GPR39: variants seen among roughly 807,000 people sequenced by gnomAD.
GPR39 encodes the protein G protein-coupled receptor 39, also known as zinc sensing receptor.
A neutral mutation model predicts 18.4 loss-of-function variants in GPR39; 23 were observed. The observed-to-expected ratio is 1.25, with a 90% CI of 0.90 to 1.77. The LOEUF is 1.77. Ranked by LOEUF, GPR39 falls within the 40% of genes most tolerant of loss-of-function variation. The pLI, the probability that GPR39 is intolerant of heterozygous loss-of-function variation, is 0.00. For synonymous variants in GPR39, 280 were observed against 257.9 expected, an observed-to-expected ratio of 1.09 and a Z score of -0.82; for missense variants, 647 against 602.4, an observed-to-expected ratio of 1.07 and a Z score of -0.78.
At chr2:132,533,101 C>T (rs3109160) in intron 1 of GPR39, among the ~76,000 whole-genome samples, 3,180 of 152,128 alleles carry the variant, frequency 0.021, 107 homozygotes, top group African/African-American at 0.071. Context: ...AAAACCCCAT[C>T]GTCTCAGCCC....
At chr2:132,422,711 A>G (rs980614521) in intron 1 of GPR39, among the ~76,000 whole-genome samples, 3 of 152,058 alleles carry the variant, frequency 2.0e-5, no homozygotes, top group Admixed American at 2.0e-4. Flanking sequence ...TTATTACCCT[A>G]TTTGTGATAG....
intron 1 of GPR39, among the ~76,000 whole-genome samples, chr2:132,543,752 C>A (rs1409461508): frequency 6.6e-6 from 1 of 152,100 alleles, no homozygotes; most frequent in Non-Finnish European, 1.5e-5. Flanking sequence ...GAACTGGGGT[C>A]TCCTCACCCA....
intron 1 of GPR39, among the ~76,000 whole-genome samples, chr2:132,631,885 C>A (rs1681656163): frequency 6.6e-6 from 1 of 150,644 alleles, no homozygotes; most frequent in Admixed American, 6.6e-5. Flanking sequence ...TGCAGTGGCA[C>A]AATCTTGGCT....
intron 1 of GPR39, among the ~76,000 whole-genome samples, chr2:132,595,690 C>T (rs1237859217): frequency 6.6e-6 from 1 of 151,954 alleles, no homozygotes; most frequent in Non-Finnish European, 1.5e-5. Context: ...AAGCATTTAC[C>T]CTTCATTCTG....
At chr2:132,481,639 T>C (rs1681237066) in intron 1 of GPR39, among the ~76,000 whole-genome samples, 1 of 152,248 alleles carries the variant, frequency 6.6e-6, no homozygotes, top group African/African-American at 2.4e-5. Context: ...CATACATATT[T>C]CAGCCCTGAA....
At position 132,645,982 on chromosome 2, in the gene GPR39, G is replaced by A. The variant is rs1682048533; in HGVS notation, c.*376G>A. 1 of 1,255,350 alleles carries A rather than the reference G, an allele frequency of 8.0e-7. No individual in the cohort carries two copies. The highest frequency in any genetic ancestry group is 1.5e-5 in the South Asian group (1 of 64,702). The allele number at this position is 1,255,350 out of a possible 1,614,324, so 77.8% of individuals were successfully genotyped here. On this transcript the variant is annotated 3_prime_UTR_variant, in exon 2 of 2. Coordinates refer to ENST00000329321, the MANE Select transcript of GPR39 (RefSeq NM_001508.3). ...CACCCAGAAGAAACTCACTCAGGGA[G>A]GTGGGGGGTTGGGGGCGAGGGCTGG...
At chr2:132,541,949 C>CAATTCA (rs1383538664) in intron 1 of GPR39, among the ~76,000 whole-genome samples, 1 of 152,184 alleles carries the variant, frequency 6.6e-6, no homozygotes, top group East Asian at 1.9e-4. Context: ...CTGAGGGACA[C>CAATTCA]AATTCATAGA....
At chr2:132,509,660 A>C (rs1558820988) in intron 1 of GPR39, among the ~76,000 whole-genome samples, 1 of 152,164 alleles carries the variant, frequency 6.6e-6, no homozygotes, top group Non-Finnish European at 1.5e-5. Context: ...CTCATCTGTG[A>C]GTAGGTATAA....
intron 1 of GPR39, among the ~76,000 whole-genome samples, chr2:132,468,235 AG>A (rs1680967286): frequency 6.6e-6 from 1 of 152,262 alleles, no homozygotes; most frequent in Non-Finnish European, 1.5e-5. Flanking sequence ...CAGATGCAAC[AG>A]TGAACAGTTT....
intron 1 of GPR39, among the ~76,000 whole-genome samples, chr2:132,455,479 T>C (rs570170965): frequency 2.0e-5 from 3 of 152,260 alleles, no homozygotes; most frequent in South Asian, 4.1e-4. Context: ...TCTCTATCTC[T>C]TTCAGTTCTG....
At chr2:132,513,203 G>A (rs1473480720) in intron 1 of GPR39, among the ~76,000 whole-genome samples, 1 of 152,182 alleles carries the variant, frequency 6.6e-6, no homozygotes, top group African/African-American at 2.4e-5. Flanking sequence ...ACTTCTTATG[G>A]CCTAGCCCCA....
At chr2:132,463,856 C>T (rs1447048113) in intron 1 of GPR39, among the ~76,000 whole-genome samples, 2 of 152,190 alleles carry the variant, frequency 1.3e-5, no homozygotes, top group African/African-American at 2.4e-5. Flanking sequence ...ACTGGAATAT[C>T]CGAGATGGGC....
intron 1 of GPR39, among the ~76,000 whole-genome samples, chr2:132,514,986 G>A (rs1242782437): frequency 6.6e-6 from 1 of 152,124 alleles, no homozygotes; most frequent in Non-Finnish European, 1.5e-5. Context: ...TCGAGGAAAT[G>A]CACAGTGAAA....
intron 1 of GPR39, among the ~76,000 whole-genome samples, chr2:132,622,346 A>T (rs1048032147): frequency 1.3e-5 from 2 of 152,166 alleles, no homozygotes; most frequent in African/African-American, 4.8e-5. Flanking sequence ...GTGAGCTGAG[A>T]TCGCACCATT....
chr2:132,558,447 CT>C (rs953330792), intron 1 of GPR39, among the ~76,000 whole-genome samples: 1 of 152,078 alleles, frequency 6.6e-6, no homozygotes, highest in Non-Finnish European at 1.5e-5. Context: ...AGGGTGCATA[CT>C]TTTTTGCTGT....
At chr2:132,635,726 C>T (rs1376790577) in intron 1 of GPR39, among the ~76,000 whole-genome samples, 2 of 152,156 alleles carry the variant, frequency 1.3e-5, no homozygotes, top group African/African-American at 4.8e-5. Context: ...TCAAGTCATA[C>T]ATTGAAGCCC....
At chr2:132,471,651 A>AG (rs1681033651) in intron 1 of GPR39, among the ~76,000 whole-genome samples, 1 of 143,642 alleles carries the variant, frequency 7.0e-6, no homozygotes, top group Admixed American at 6.8e-5. Flanking sequence ...CCCAGCAAGG[A>AG]GTTTTTTTTT....
chr2:132,472,982 C>G (rs1240800775), intron 1 of GPR39, among the ~76,000 whole-genome samples: 1 of 151,968 alleles, frequency 6.6e-6, no homozygotes, highest in Non-Finnish European at 1.5e-5. Flanking sequence ...CACCGTGAAC[C>G]CCCCTGCACC....
At chr2:132,602,032 GA>G (rs34155252) in intron 1 of GPR39, among the ~76,000 whole-genome samples, 61,520 of 146,830 alleles carry the variant, frequency 0.42, 12,799 homozygotes, top group East Asian at 0.64. Flanking sequence ...CACAGAAATA[GA>G]AAAAAAAAAA....
Sources: allele counts gnomAD v4.1 joint callset (sites outside exome capture counted in the v4.1 genomes callset), GRCh38; gene constraint gnomAD v4.1.1; transcripts MANE v1.5; gene names NCBI Gene and HGNC (gene_info 2026-07-23, HGNC 2026-07-21).